Variants in GPC5 observed in about 807,000 individuals in gnomAD.
GPC5 encodes glypican 5, also known as glypican-5.
GPC5 carries 47 observed loss-of-function variants against 53.9 expected under a neutral mutation model. That is an observed-to-expected ratio of 0.87 (90% confidence interval 0.69 to 1.11). The LOEUF is 1.11. GPC5 is among the 50% of genes most tolerant of loss of function. GPC5 has a pLI of 0.00. For synonymous variants in GPC5, 286 were observed against 263.3 expected, an observed-to-expected ratio of 1.09 and a Z score of -0.84; for missense variants, 748 against 713.1, an observed-to-expected ratio of 1.05 and a Z score of -0.56.
chr13:91,966,300 T>C (rs775413009), intron 6 of GPC5, among the ~76,000 whole-genome samples: 1 of 152,190 alleles, frequency 6.6e-6, no homozygotes, highest in African/African-American at 2.4e-5. Flanking sequence ...ACTTCTCTTA[T>C]ACAATCAAAA....
chr13:92,035,686 T>A (rs1385784270), intron 6 of GPC5, among the ~76,000 whole-genome samples: 1 of 151,040 alleles, frequency 6.6e-6, no homozygotes, highest in African/African-American at 2.4e-5. Flanking sequence ...ATTAAAAATT[T>A]AAGCCTTCTT....
At chr13:91,669,554 G>T (rs1301943091) in intron 2 of GPC5, among the ~76,000 whole-genome samples, 1 of 151,690 alleles carries the variant, frequency 6.6e-6, no homozygotes, top group East Asian at 1.9e-4. Context: ...TCAACTACAG[G>T]AAGAGCTAGG....
chr13:91,487,170 T>G (rs1883653842), intron 2 of GPC5, among the ~76,000 whole-genome samples: 1 of 151,950 alleles, frequency 6.6e-6, no homozygotes. Context: ...TTATTTAACG[T>G]GCACAAGGGG....
At chr13:92,589,454 A>G (rs1191844897) in intron 7 of GPC5, among the ~76,000 whole-genome samples, 2 of 152,156 alleles carry the variant, frequency 1.3e-5, no homozygotes, top group Non-Finnish European at 2.9e-5. Flanking sequence ...ATTCCCCAAA[A>G]TTGGATCCTG....
intron 6 of GPC5, among the ~76,000 whole-genome samples, chr13:92,012,723 T>C (rs748744611): frequency 6.6e-6 from 1 of 152,248 alleles, no homozygotes; most frequent in Non-Finnish European, 1.5e-5. Context: ...ACTTATCATA[T>C]GTTTCTACAT....
intron 5 of GPC5, among the ~76,000 whole-genome samples, chr13:91,784,580 C>T (rs2037848426): frequency 6.6e-6 from 1 of 152,022 alleles, no homozygotes; most frequent in African/African-American, 2.4e-5. Flanking sequence ...CAAAATTAGC[C>T]AGGCATGGTG....
intron 7 of GPC5, among the ~76,000 whole-genome samples, chr13:92,757,911 G>A (rs1296073271): frequency 1.3e-5 from 2 of 151,460 alleles, no homozygotes; most frequent in African/African-American, 2.4e-5. Context: ...AACCATTGTG[G>A]AAGTCAGTGT....
chr13:92,592,038 T>A (rs1883729607), intron 7 of GPC5, among the ~76,000 whole-genome samples: 1 of 152,244 alleles, frequency 6.6e-6, no homozygotes, highest in African/African-American at 2.4e-5. Context: ...AAGCAAGGAC[T>A]GAAGACAGGC....
intron 7 of GPC5, among the ~76,000 whole-genome samples, chr13:92,154,114 G>A (rs1166146014): frequency 6.6e-6 from 1 of 152,144 alleles, no homozygotes; most frequent in Non-Finnish European, 1.5e-5. Context: ...GGGAGACAAA[G>A]GGAGTGCCAG....
chr13:91,820,831 T>C (rs913785654), intron 5 of GPC5, among the ~76,000 whole-genome samples: 26 of 152,012 alleles, frequency 1.7e-4, no homozygotes, highest in Middle Eastern at 6.8e-3. Context: ...GGCGTGGTGG[T>C]GGGCGCCTGT....
At chr13:91,939,851 C>A (rs2039908512) in intron 6 of GPC5, among the ~76,000 whole-genome samples, 1 of 152,084 alleles carries the variant, frequency 6.6e-6, no homozygotes, top group African/African-American at 2.4e-5. Flanking sequence ...ACAAGGAAGC[C>A]AGCAATGCTC....
At chr13:91,420,578 C>T (rs996449308) in intron 1 of GPC5, among the ~76,000 whole-genome samples, 2 of 152,190 alleles carry the variant, frequency 1.3e-5, no homozygotes, top group Non-Finnish European at 1.5e-5. Flanking sequence ...GTGAAATAAC[C>T]TTATCAATGT....
chr13:92,549,984 G>A (rs1393101636), intron 7 of GPC5, among the ~76,000 whole-genome samples: 2 of 150,782 alleles, frequency 1.3e-5, no homozygotes, highest in Non-Finnish European at 3.0e-5. Context: ...TAATATTACT[G>A]ATAACTATAA....
intron 7 of GPC5, among the ~76,000 whole-genome samples, chr13:92,609,476 G>T (rs1566317940): frequency 6.6e-6 from 1 of 152,108 alleles, no homozygotes; most frequent in Admixed American, 6.6e-5. Context: ...TACTTCACTA[G>T]ATAAAACTTT....
chr13:92,294,267 G>T (rs2043018148), intron 7 of GPC5, among the ~76,000 whole-genome samples: 1 of 152,124 alleles, frequency 6.6e-6, no homozygotes, highest in Non-Finnish European at 1.5e-5. Flanking sequence ...AATAGGAGTG[G>T]TACCAATTCT....
intron 7 of GPC5, among the ~76,000 whole-genome samples, chr13:92,764,094 C>T (rs901555466): frequency 3.9e-5 from 6 of 152,194 alleles, no homozygotes; most frequent in African/African-American, 7.2e-5. Flanking sequence ...GCCGTGGATG[C>T]ATGGCTACTC....
At chr13:92,098,793 G>A (rs767126068) in intron 6 of GPC5, among the ~76,000 whole-genome samples, 2 of 152,078 alleles carry the variant, frequency 1.3e-5, no homozygotes, top group African/African-American at 4.8e-5. Context: ...TGCTTCCTTA[G>A]AGCCGCCACA....
intron 7 of GPC5, among the ~76,000 whole-genome samples, chr13:92,445,245 C>T (rs1212230532): frequency 7.8e-6 from 1 of 127,668 alleles, no homozygotes. Context: ...GGTTCCTTTC[C>T]TTTCTCTCTC....
chr13:92,812,453 A>C (rs1877329425), intron 7 of GPC5, among the ~76,000 whole-genome samples: 1 of 151,954 alleles, frequency 6.6e-6, no homozygotes, highest in African/African-American at 2.4e-5. Flanking sequence ...TGATCATCTC[A>C]AATAACACAG....
Sources: gnomAD v4.1 joint callset for allele counts (sites outside exome capture counted in the v4.1 genomes callset) on GRCh38, gnomAD v4.1.1 for gene constraint, MANE v1.5 for transcripts, NCBI Gene and HGNC (gene_info 2026-07-23, HGNC 2026-07-21) for gene names.